Variants in RASSF6 observed in about 807,000 individuals in gnomAD.
RASSF6 encodes Ras association domain family member 6, also known as ras association domain-containing protein 6.
RASSF6 carries 52 observed loss-of-function variants against 44.0 expected under a neutral mutation model. The observed-to-expected ratio is 1.18, with a 90% CI of 0.95 to 1.49. The LOEUF (loss-of-function observed/expected upper bound fraction) is 1.49, where lower values mean the gene tolerates loss of function less well. Ranked by LOEUF, RASSF6 falls within the 40% of genes most tolerant of loss-of-function variation. The pLI is 0.00. For missense variants in RASSF6, 464 were observed against 393.3 expected (o/e 1.18, Z -1.52); for synonymous variants, 162 against 124.6 (o/e 1.30, Z -2.00).
intron 2 of RASSF6, among the ~76,000 whole-genome samples, chr4:73,604,884 C>CTTTTTTTTTTTTTTTTTTTTT (rs35609056): frequency 7.2e-6 from 1 of 138,332 alleles, no homozygotes; most frequent in Non-Finnish European, 1.5e-5. Context: ...CATTTTCTTT[C>CTTTTTTTTTTTTTTTTTTTTT]TTTTTTTTTT....
At chr4:73,587,965 A>G in intron 4 of RASSF6, 31 bp from the exon 5 acceptor site, 2 of 1,403,528 alleles carry the variant, frequency 1.4e-6, no homozygotes, top group South Asian at 2.3e-5. Context: ...TAAGTACATC[A>G]GTTCCATTTA....
At chr4:73,615,341 T>A (rs1160836867) in intron 1 of RASSF6, among the ~76,000 whole-genome samples, 3 of 88,180 alleles carry the variant, frequency 3.4e-5, no homozygotes, top group African/African-American at 8.4e-5. Flanking sequence ...GAAAATCTCC[T>A]AAATTATAAA....
intron 8 of RASSF6, among the ~76,000 whole-genome samples, chr4:73,578,964 T>G (rs534739109): frequency 6.6e-6 from 1 of 152,214 alleles, no homozygotes; most frequent in South Asian, 2.1e-4. Context: ...CCAGGTAATC[T>G]ATCTCAATGG....
At chr4:73,576,350 T>C (rs1723215957) in intron 10 of RASSF6, 40 bp from the exon 11 acceptor site, 1 of 1,485,290 alleles carries the variant, frequency 6.7e-7, no homozygotes, top group Non-Finnish European at 9.3e-7. Flanking sequence ...AAATTGGACA[T>C]ATTTTGTGCA....
At chr4:73,589,577 T>C (rs1016457862) in intron 4 of RASSF6, among the ~76,000 whole-genome samples, 3 of 152,026 alleles carry the variant, frequency 2.0e-5, no homozygotes, top group African/African-American at 7.3e-5. Flanking sequence ...ATATTCTGTG[T>C]TTGGCCCCTT....
intron 2 of RASSF6, among the ~76,000 whole-genome samples, chr4:73,609,833 C>T (rs561947837): frequency 7.2e-4 from 110 of 152,246 alleles, no homozygotes; most frequent in African/African-American, 2.6e-3. Flanking sequence ...GAGATTTCCC[C>T]TAGCTCCAGG....
Position 73,615,509 on chromosome 4 carries a change from T to C in RASSF6, c.-34-3680A>G, listed in dbSNP as rs191889768. Among the ~76,000 whole-genome samples the C allele has an allele frequency of 2.0e-5, 3 of 152,248 alleles. No homozygotes were observed. The East Asian group carries it at 5.8e-4, about 29-fold the overall frequency. On this transcript the variant is annotated intron_variant, in intron 1 of 10. Coordinates refer to ENST00000307439, the MANE Select transcript of RASSF6 (RefSeq NM_177532.5). ...TCTTACTTGGGATGTTCAGTAATTTTGGTAGAACATAATAAACTACAACTT... is the reference window on the plus strand; with the variant it reads ...TCTTACTTGGGATGTTCAGTAATTTCGGTAGAACATAATAAACTACAACTT...
At position 73,573,014 on chromosome 4, in the gene RASSF6, A is replaced by G. The variant is rs1324095732; in HGVS notation, c.*3221T>C. 6.6e-6 allele frequency: 1 copy of G among 152,108 alleles called. No homozygotes were observed. The highest frequency in any genetic ancestry group is 1.5e-5 in the Non-Finnish European group (1 of 68,014). The allele number at this position is 152,108 out of a possible 1,614,324, so 9.4% of individuals were successfully genotyped here. A position where few individuals can be genotyped will look rare whatever the true frequency, so the allele number is the denominator to read the frequency against. ...AAGTACATAATAAATATTTTGGAAC[A>G]TGTGTATGTGTATATTCTTATTTAG... On this transcript the variant is annotated 3_prime_UTR_variant, in exon 11 of 11. Transcript: ENST00000307439.
chr4:73,591,570 C>T (rs1423644713), intron 4 of RASSF6, among the ~76,000 whole-genome samples: 1 of 152,034 alleles, frequency 6.6e-6, no homozygotes, highest in East Asian at 1.9e-4. Context: ...TTAAATGATG[C>T]TCCTTGTCAT....
intron 4 of RASSF6, among the ~76,000 whole-genome samples, chr4:73,590,186 CA>C (rs1278090517): frequency 6.6e-6 from 1 of 152,104 alleles, no homozygotes; most frequent in Non-Finnish European, 1.5e-5. Context: ...GGTCAGAGCT[CA>C]AAAAAACTGA....
intron 2 of RASSF6, among the ~76,000 whole-genome samples, chr4:73,603,308 T>C (rs777213865): frequency 6.6e-6 from 1 of 152,312 alleles, no homozygotes; most frequent in African/African-American, 2.4e-5. Flanking sequence ...CCATATAAAC[T>C]GGACTTCTAT....
At chr4:73,600,569 T>C (rs1460198511) in intron 2 of RASSF6, among the ~76,000 whole-genome samples, 1 of 152,228 alleles carries the variant, frequency 6.6e-6, no homozygotes, top group Non-Finnish European at 1.5e-5. Flanking sequence ...CAGTAGGCTC[T>C]TCTTCAATAA....
At chr4:73,583,707 C>T (rs1257743451) in intron 6 of RASSF6, among the ~76,000 whole-genome samples, 1 of 151,950 alleles carries the variant, frequency 6.6e-6, no homozygotes, top group South Asian at 2.1e-4. Flanking sequence ...ATCTATAGTC[C>T]CAGCTTGAGC....
chr4:73,608,993 G>T (rs1479567592), intron 2 of RASSF6, among the ~76,000 whole-genome samples: 1 of 152,156 alleles, frequency 6.6e-6, no homozygotes, highest in Non-Finnish European at 1.5e-5. Flanking sequence ...AAACTGTTTG[G>T]AATAATGCAC....
chr4:73,609,216 A>T (rs1725849114), intron 2 of RASSF6, among the ~76,000 whole-genome samples: 1 of 152,202 alleles, frequency 6.6e-6, no homozygotes, highest in African/African-American at 2.4e-5. Context: ...TTTTAAATAC[A>T]TGGTTAGCAT....
Position 73,571,569 on chromosome 4 carries a change from A to T in RASSF6, c.*4666T>A, listed in dbSNP as rs1343100802. 3 of 151,994 alleles carry T rather than the reference A, an allele frequency of 2.0e-5. No homozygotes were observed. Among genetic ancestry groups the T allele is most frequent in the African/African-American group, 7.2e-5 (3 of 41,414 alleles). The allele number at this position is 151,994 out of a possible 1,614,324, so 9.4% of individuals were successfully genotyped here. A position where few individuals can be genotyped will look rare whatever the true frequency, so the allele number is the denominator to read the frequency against. The stretch of plus-strand genomic sequence containing the variant: ...AACATATATATATATATAATGTTTA[A>T]TATTTTTTCAGCTATGGGACCAGAC... On this transcript the variant is annotated 3_prime_UTR_variant, in exon 11 of 11. Coordinates refer to ENST00000307439, the MANE Select transcript of RASSF6 (RefSeq NM_177532.5).
At position 73,585,273 on chromosome 4, in the gene RASSF6, A is replaced by G. The variant is rs1723994636; in HGVS notation, c.474T>C (p.Ala158=). The G allele has an allele frequency of 6.2e-7, 1 of 1,612,640 alleles. No homozygotes were observed. Among genetic ancestry groups the G allele is most frequent in the Non-Finnish European group, 8.5e-7 (1 of 1,179,080 alleles). ...PVLYRTMSEA[A]LVRKRMKPLM... ...GAGGCTTCATCCTTTTTCTCACCAGAGCTGCTTCACTCATGGTTCTATAGA... is the reference window on the plus strand; with the variant it reads ...GAGGCTTCATCCTTTTTCTCACCAGGGCTGCTTCACTCATGGTTCTATAGA... The change falls in exon 6 of 11, where the codon GCT becomes GCC. Residue 158 remains alanine (A), a synonymous_variant. Coordinates refer to ENST00000307439, the MANE Select transcript of RASSF6 (RefSeq NM_177532.5).
intron 8 of RASSF6, 60 bp from the exon 9 acceptor site, chr4:73,576,791 G>A: frequency 1.9e-6 from 2 of 1,036,926 alleles, no homozygotes; most frequent in Non-Finnish European, 2.8e-6. Flanking sequence ...AAAGAAGGAA[G>A]ATAATTTTCC....
chr4:73,613,642 C>T (rs1277813036), intron 1 of RASSF6, among the ~76,000 whole-genome samples: 7 of 152,140 alleles, frequency 4.6e-5, no homozygotes, highest in Non-Finnish European at 1.0e-4. Context: ...TATACCTTGC[C>T]AAAGAGTTCA....
Sources: gnomAD v4.1 joint callset for allele counts (sites outside exome capture counted in the v4.1 genomes callset) on GRCh38, gnomAD v4.1.1 for gene constraint, MANE v1.5 for transcripts, NCBI Gene and HGNC (gene_info 2026-07-23, HGNC 2026-07-21) for gene names.